BRAF: variants seen among roughly 807,000 people sequenced by gnomAD.
The protein encoded by BRAF is B-Raf proto-oncogene, serine/threonine kinase.
A neutral mutation model predicts 104.6 loss-of-function variants in BRAF; 16 were observed. The ratio of observed to expected loss-of-function variants is 0.15; its 90% CI spans 0.10 to 0.23. The LOEUF (loss-of-function observed/expected upper bound fraction) is 0.23, where lower values mean the gene tolerates loss of function less well. Ranked by LOEUF, BRAF falls within the 10% of genes least tolerant of loss-of-function variation. BRAF has a pLI of 1.00. For missense variants in BRAF, 541 were observed against 937.3 expected (o/e 0.58, Z 5.52); for synonymous variants, 310 against 341.6 (o/e 0.91, Z 1.02).
At chr7:140,843,255 G>C (rs1397498857) in intron 2 of BRAF, among the ~76,000 whole-genome samples, 1 of 152,160 alleles carries the variant, frequency 6.6e-6, no homozygotes, top group Non-Finnish European at 1.5e-5. Flanking sequence ...CAAGAGCTTA[G>C]TATACAAGAG....
chr7:140,735,561 TTTTTTTTTTTTTGAAACGGAGTC>T (rs1796336455), intron 18 of BRAF, among the ~76,000 whole-genome samples: 1 of 151,932 alleles, frequency 6.6e-6, no homozygotes, highest in Non-Finnish European at 1.5e-5. Flanking sequence ...GATACCAATT[TTTTTTTTTTTTTGAAACGGAGTC>T]TCGCTGTTGT....
intron 1 of BRAF, among the ~76,000 whole-genome samples, chr7:140,883,013 AG>A (rs1238784856): frequency 3.6e-5 from 5 of 138,142 alleles, no homozygotes; most frequent in East Asian, 4.0e-4. Flanking sequence ...AATAAAATAA[AG>A]TAAATAAATA....
chr7:140,771,281 G>A (rs1057055835), intron 14 of BRAF, among the ~76,000 whole-genome samples: 1 of 152,024 alleles, frequency 6.6e-6, no homozygotes, highest in African/African-American at 2.4e-5. Context: ...CTGCAGCCTC[G>A]ACTTCCTGGG....
At chr7:140,896,882 A>AAAAG (rs1381138288) in intron 1 of BRAF, among the ~76,000 whole-genome samples, 1 of 135,462 alleles carries the variant, frequency 7.4e-6, no homozygotes, top group African/African-American at 2.7e-5. Flanking sequence ...AAAAAAAAAA[A>AAAAG]GGGGTGGGGG....
At chr7:140,774,661 C>A (rs1349817268) in intron 14 of BRAF, among the ~76,000 whole-genome samples, 1 of 152,164 alleles carries the variant, frequency 6.6e-6, no homozygotes, top group Non-Finnish European at 1.5e-5. Context: ...GGACTACAGG[C>A]AAGTGCCACC....
Position 140,924,160 on chromosome 7 carries a change from C to T in BRAF, c.138+406G>A, listed in dbSNP as rs1280789071. Among the ~76,000 whole-genome samples the T allele has an allele frequency of 6.6e-6, 1 of 152,138 alleles. No individual in the cohort carries two copies. Among genetic ancestry groups the T allele is most frequent in the African/African-American group, 2.4e-5 (1 of 41,438 alleles). On this transcript the variant is annotated intron_variant, in intron 1 of 19. Coordinates refer to ENST00000644969, the MANE Select transcript of BRAF (RefSeq NM_001374258.1). The surrounding 1 kb of genome is among the most constrained non-coding windows in gnomAD (Gnocchi z 4.2). ...GAATTACACGCGACAGTAACTCGGG[C>T]TGTTGTCTCAGCCCCAGCAACTAAC...
chr7:140,801,887 G>A (rs1186052657), intron 5 of BRAF, among the ~76,000 whole-genome samples: 1 of 152,132 alleles, frequency 6.6e-6, no homozygotes, highest in Non-Finnish European at 1.5e-5. Flanking sequence ...GTGAAAGGAA[G>A]AAGCCTATAC....
intron 1 of BRAF, among the ~76,000 whole-genome samples, chr7:140,908,985 TTTTC>T (rs1255386751): frequency 7.2e-6 from 1 of 137,998 alleles, no homozygotes; most frequent in Non-Finnish European, 1.5e-5. Flanking sequence ...CTGCTCTACG[TTTTC>T]TTTTTTTTTT....
At chr7:140,764,907 C>T (rs1799151167) in intron 14 of BRAF, among the ~76,000 whole-genome samples, 1 of 152,180 alleles carries the variant, frequency 6.6e-6, no homozygotes, top group East Asian at 1.9e-4. Context: ...CCATCCCCAT[C>T]AAGCTACCAA....
chr7:140,765,333 A>G (rs896267455), intron 14 of BRAF, among the ~76,000 whole-genome samples: 1 of 151,832 alleles, frequency 6.6e-6, no homozygotes, highest in Non-Finnish European at 1.5e-5. Context: ...TTAGACCTAA[A>G]ACCATAAAAA....
At chr7:140,902,128 C>T (rs966233233) in intron 1 of BRAF, among the ~76,000 whole-genome samples, 1 of 152,322 alleles carries the variant, frequency 6.6e-6, no homozygotes, top group African/African-American at 2.4e-5. Flanking sequence ...AACCCAGCAT[C>T]GAGCAAATCT....
At chr7:140,897,141 AT>A (rs1425118000) in intron 1 of BRAF, among the ~76,000 whole-genome samples, 5 of 151,944 alleles carry the variant, frequency 3.3e-5, no homozygotes, top group African/African-American at 4.8e-5. Flanking sequence ...GGAAGAGTGA[AT>A]GAGCATATGT....
chr7:140,921,651 A>G (rs1324305962), intron 1 of BRAF, among the ~76,000 whole-genome samples: 3 of 152,104 alleles, frequency 2.0e-5, no homozygotes, highest in Non-Finnish European at 4.4e-5. Context: ...ATACACCAAA[A>G]TGTCTATAGT....
chr7:140,761,474 C>T (rs1798726513), intron 14 of BRAF, among the ~76,000 whole-genome samples: 1 of 151,790 alleles, frequency 6.6e-6, no homozygotes, highest in African/African-American at 2.4e-5. Flanking sequence ...GAAGAAACTG[C>T]ATCAACTAAC....
At chr7:140,716,268 T>C (rs963011821), downstream of BRAF, among the ~76,000 whole-genome samples, 1 of 152,208 alleles carries the variant, frequency 6.6e-6, no homozygotes, top group Non-Finnish European at 1.5e-5. Context: ...TGGATCTGAC[T>C]AGGAGCTCTA....
At chr7:140,738,056 G>A (rs940077459) in intron 18 of BRAF, among the ~76,000 whole-genome samples, 1 of 152,140 alleles carries the variant, frequency 6.6e-6, no homozygotes, top group Non-Finnish European at 1.5e-5. Context: ...ACAGGGTCAT[G>A]CTGAAGCTGC....
rs1795318125 is a variant in BRAF at position 140,721,390 on chromosome 7, A to C, written c.*5104T>G. 8.0e-7 allele frequency: 1 copy of C among 1,247,666 alleles called. No individual in the cohort carries two copies. The highest frequency in any genetic ancestry group is 3.5e-5 in the South Asian group (1 of 28,506). The allele number at this position is 1,247,666 out of a possible 1,614,324, so 77.3% of individuals were successfully genotyped here. A position where few individuals can be genotyped will look rare whatever the true frequency, so the allele number is the denominator to read the frequency against. Reference sequence around the variant, plus strand: ...TTAAAAATACCTGATAGGAACTGTTAATTACCCTTTCCACAATTAACAAAA... The same window carrying C: ...TTAAAAATACCTGATAGGAACTGTTCATTACCCTTTCCACAATTAACAAAA... On this transcript the variant is annotated 3_prime_UTR_variant, in exon 20 of 20. Coordinates refer to ENST00000644969, the MANE Select transcript of BRAF (RefSeq NM_001374258.1).
At chr7:140,825,261 C>G (rs565722799) in intron 3 of BRAF, among the ~76,000 whole-genome samples, 46 of 152,290 alleles carry the variant, frequency 3.0e-4, no homozygotes, top group African/African-American at 1.1e-3. Context: ...AGCCTCCGCA[C>G]CCAGCCATTT....
chr7:140,736,289 G>A (rs911281980), intron 18 of BRAF, among the ~76,000 whole-genome samples: 4 of 151,128 alleles, frequency 2.6e-5, no homozygotes, highest in African/African-American at 4.9e-5. Flanking sequence ...GGCTGGTCTC[G>A]AACTCCTAAC....
Sources: gnomAD v4.1 joint callset for allele counts (sites outside exome capture counted in the v4.1 genomes callset) on GRCh38, gnomAD v4.1.1 for gene constraint, Gnocchi (gnomAD v3.1) non-coding constraint, MANE v1.5 for transcripts, NCBI Gene and HGNC (gene_info 2026-07-23, HGNC 2026-07-21) for gene names.